The following LRBA variants were observed in gnomAD, a reference collection of about 807,000 sequenced individuals.
LRBA encodes lipopolysaccharide-responsive and beige-like anchor protein.
LRBA carries 176 observed loss-of-function variants against 330.0 expected under a neutral mutation model. The ratio of observed to expected loss-of-function variants is 0.53; its 90% CI spans 0.47 to 0.60. The LOEUF (loss-of-function observed/expected upper bound fraction) is 0.60, where lower values mean the gene tolerates loss of function less well. Ranked by LOEUF, LRBA falls within the 20% of genes least tolerant of loss-of-function variation. The pLI is 0.00. For missense variants in LRBA, 3,259 were observed against 3,444.8 expected (o/e 0.95, Z 1.35); for synonymous variants, 1,230 against 1,193.0 (o/e 1.03, Z -0.64).
At chr4:150,875,962 C>G (rs941948600) in intron 17 of LRBA, among the ~76,000 whole-genome samples, 2 of 152,118 alleles carry the variant, frequency 1.3e-5, no homozygotes, top group African/African-American at 2.4e-5. Context: ...ATATCCAAGA[C>G]AATGTTGAAA....
chr4:150,832,547 G>C (rs1001536256), intron 28 of LRBA, among the ~76,000 whole-genome samples: 1 of 152,190 alleles, frequency 6.6e-6, no homozygotes, highest in Admixed American at 6.5e-5. Context: ...AGTGAGCTGA[G>C]ATCGCATCAC....
At chr4:150,404,706 G>A (rs1050579130) in intron 47 of LRBA, among the ~76,000 whole-genome samples, 3 of 152,036 alleles carry the variant, frequency 2.0e-5, no homozygotes, top group African/African-American at 4.8e-5. Context: ...AGATACCCAC[G>A]GGGAAGAATT....
intron 36 of LRBA, among the ~76,000 whole-genome samples, chr4:150,698,952 G>C (rs1172341276): frequency 6.6e-6 from 1 of 152,074 alleles, no homozygotes; most frequent in East Asian, 1.9e-4. Flanking sequence ...CAAGACTTTG[G>C]ATATGAAAAC....
At chr4:150,748,027 C>G (rs1272990490) in intron 35 of LRBA, among the ~76,000 whole-genome samples, 1 of 152,156 alleles carries the variant, frequency 6.6e-6, no homozygotes, top group Non-Finnish European at 1.5e-5. Context: ...AATAATACCT[C>G]TTCCCCATCA....
At chr4:150,660,589 C>G (rs1209660774) in intron 37 of LRBA, among the ~76,000 whole-genome samples, 3 of 146,644 alleles carry the variant, frequency 2.0e-5, no homozygotes, top group African/African-American at 4.9e-5. Flanking sequence ...TCATTGAGAA[C>G]GGGCCAGGAT....
intron 28 of LRBA, among the ~76,000 whole-genome samples, chr4:150,843,055 G>T (rs1749335056): frequency 6.6e-6 from 1 of 152,084 alleles, no homozygotes; most frequent in African/African-American, 2.4e-5. Context: ...TAATGCTCCT[G>T]CCCATCTGAC....
intron 2 of LRBA, among the ~76,000 whole-genome samples, chr4:150,954,114 A>G (rs538712370): frequency 6.8e-6 from 1 of 146,618 alleles, no homozygotes; most frequent in South Asian, 2.2e-4. Context: ...AGTGAGGAGC[A>G]TCTCTGCCCG....
At chr4:150,571,582 T>A (rs1769841029) in intron 40 of LRBA, among the ~76,000 whole-genome samples, 1 of 149,166 alleles carries the variant, frequency 6.7e-6, no homozygotes, top group African/African-American at 2.4e-5. Flanking sequence ...CACAGAAATA[T>A]CACTATAAAC....
intron 36 of LRBA, among the ~76,000 whole-genome samples, chr4:150,708,436 T>C (rs1785849924): frequency 6.6e-6 from 1 of 151,830 alleles, no homozygotes; most frequent in South Asian, 2.1e-4. Flanking sequence ...GATAAATATA[T>C]GGTCTACAGT....
intron 7 of LRBA, 21 bp from the exon 8 acceptor site, chr4:150,915,748 T>C: frequency 6.4e-7 from 1 of 1,572,854 alleles, no homozygotes; most frequent in Non-Finnish European, 8.6e-7. Flanking sequence ...AAAAAACAGT[T>C]AAAAATACAA....
At chr4:150,277,184 A>C (rs1813250) in intron 56 of LRBA, among the ~76,000 whole-genome samples, 93,078 of 151,296 alleles carry the variant, frequency 0.62, 29,416 homozygotes, top group South Asian at 0.82. Flanking sequence ...ACAGAAAAGC[A>C]AATACCTCAT....
intron 34 of LRBA, among the ~76,000 whole-genome samples, chr4:150,774,660 A>G (rs567769348): frequency 2.6e-5 from 4 of 152,294 alleles, no homozygotes; most frequent in South Asian, 4.1e-4. Flanking sequence ...AAATGCATCA[A>G]TAAAAGCCTG....
chr4:150,569,062 A>G lies in LRBA; in HGVS notation c.6330+18986T>C, dbSNP rs569995865. ...AATACCTACCTCAAGGGCTTGCTGT[A>G]AAAATGTAAGAGTTAATACAGGTAA... On this transcript the variant is annotated intron_variant, in intron 40 of 56. Transcript: ENST00000651943. 2.0e-5 allele frequency among the ~76,000 whole-genome samples: 3 copies of G among 152,302 alleles called. No homozygotes were observed. In the East Asian group the frequency reaches 5.8e-4, roughly 29 times the overall value.
intron 2 of LRBA, among the ~76,000 whole-genome samples, chr4:151,000,542 G>A (rs1312086375): frequency 6.6e-6 from 1 of 152,186 alleles, no homozygotes; most frequent in Non-Finnish European, 1.5e-5. Flanking sequence ...TCTGATCGTG[G>A]AGAGGGTAGT....
intron 35 of LRBA, among the ~76,000 whole-genome samples, chr4:150,736,072 A>C (rs1731143999): frequency 6.6e-6 from 1 of 152,212 alleles, no homozygotes; most frequent in African/African-American, 2.4e-5. Context: ...GTACCTCAGA[A>C]GGGCTACACA....
chr4:150,755,544 C>T (rs920869137), intron 35 of LRBA, among the ~76,000 whole-genome samples: 1 of 152,066 alleles, frequency 6.6e-6, no homozygotes, highest in African/African-American at 2.4e-5. Flanking sequence ...TAACAAATTA[C>T]AAGATTCAAG....
chr4:150,939,645 C>T (rs1245185298), intron 2 of LRBA, among the ~76,000 whole-genome samples: 1 of 152,122 alleles, frequency 6.6e-6, no homozygotes, highest in East Asian at 1.9e-4. Context: ...TGATGTTACC[C>T]ACTAAATTCC....
At chr4:150,464,928 C>T (rs1004893654) in intron 44 of LRBA, among the ~76,000 whole-genome samples, 3 of 151,932 alleles carry the variant, frequency 2.0e-5, no homozygotes, top group East Asian at 1.9e-4. Context: ...ATAACATAAA[C>T]GTACAGTTCG....
At chr4:150,445,818 C>T (rs998731788) in intron 44 of LRBA, among the ~76,000 whole-genome samples, 7 of 151,920 alleles carry the variant, frequency 4.6e-5, no homozygotes, top group African/African-American at 1.5e-4. Context: ...GTGCATGCTA[C>T]CACACTGACA....
Sources: allele counts gnomAD v4.1 joint callset (sites outside exome capture counted in the v4.1 genomes callset), GRCh38; gene constraint gnomAD v4.1.1; transcripts MANE v1.5; gene names NCBI Gene and HGNC (gene_info 2026-07-23, HGNC 2026-07-21).